The following BTBD1 variants were observed in gnomAD, a reference collection of about 807,000 sequenced individuals.
The protein encoded by BTBD1 is BTB domain containing 1.
A neutral mutation model predicts 48.0 loss-of-function variants in BTBD1; 34 were observed. That is an observed-to-expected ratio of 0.71 (90% CI 0.54 to 0.94). The LOEUF (loss-of-function observed/expected upper bound fraction) is 0.94, where lower values mean the gene tolerates loss of function less well. BTBD1 is among the 40% of genes least tolerant of loss of function. The pLI is 0.00. For missense variants in BTBD1, 543 were observed against 625.6 expected (o/e 0.87, Z 1.41); for synonymous variants, 261 against 242.1 (o/e 1.08, Z -0.72).
At chr15:83,062,744 A>C (rs1312179191) in intron 1 of BTBD1, among the ~76,000 whole-genome samples, 1 of 152,168 alleles carries the variant, frequency 6.6e-6, no homozygotes, top group East Asian at 1.9e-4. Context: ...TGGGGGAATG[A>C]GTGCGTAAAG....
rs1295281562 is a variant in BTBD1 at position 83,017,606 on chromosome 15, T to C, written c.*461A>G. 1 of 152,662 alleles carries C rather than the reference T, an allele frequency of 6.6e-6. No individual in the cohort carries two copies. Among genetic ancestry groups the C allele is most frequent in the East Asian group, 1.9e-4 (1 of 5,204 alleles). 9.5% of individuals were successfully genotyped at this position (152,662 alleles called of 1,614,324 possible). On this transcript the variant is annotated 3_prime_UTR_variant, in exon 8 of 8. Coordinates refer to ENST00000261721, the MANE Select transcript of BTBD1 (RefSeq NM_025238.4). The stretch of plus-strand genomic sequence containing the variant: ...TTCTTAATTTTCTGAAATTTAGTTA[T>C]TTGAGTTAATAAGAATTCTGTAGGA...
At chr15:83,023,445 T>C (rs1596422295) in intron 5 of BTBD1, among the ~76,000 whole-genome samples, 1 of 152,218 alleles carries the variant, frequency 6.6e-6, no homozygotes, top group African/African-American at 2.4e-5. Context: ...AGTGGTGCAA[T>C]CATGGCTCAC....
In BTBD1 at chr15:83,059,716, A is replaced by G. The variant is rs922120796; in HGVS notation, c.402-3171T>C. Among the ~76,000 whole-genome samples, 6 of 152,190 alleles carry G rather than the reference A, an allele frequency of 3.9e-5. No homozygotes were observed. In the South Asian group the frequency reaches 1.2e-3, roughly 32 times the overall value. On this transcript the variant is annotated intron_variant, in intron 1 of 7. Coordinates refer to ENST00000261721, the MANE Select transcript of BTBD1 (RefSeq NM_025238.4). ...TCCTGCTTCAGCCTCCAGAGTAACT[A>G]ACACTACAGGCACATGCCACTAGGC...
At chr15:83,066,529 A>C (rs2033274472) in intron 1 of BTBD1, among the ~76,000 whole-genome samples, 1 of 152,148 alleles carries the variant, frequency 6.6e-6, no homozygotes, top group Non-Finnish European at 1.5e-5. Flanking sequence ...TTGCCTAATG[A>C]AGACACTAAC....
chr15:83,044,328 C>T (rs960903915), intron 3 of BTBD1: 191 of 1,193,462 alleles, frequency 1.6e-4, no homozygotes, highest in East Asian at 4.6e-4. Flanking sequence ...CCCACGCCGA[C>T]GGCAACCCTG....
intron 3 of BTBD1, among the ~76,000 whole-genome samples, chr15:83,046,777 C>A (rs1229899875): frequency 1.3e-5 from 2 of 152,196 alleles, no homozygotes; most frequent in East Asian, 3.8e-4. Flanking sequence ...GGGGAGGAAT[C>A]TGATTTACTC....
intron 6 of BTBD1, 88 bp downstream of exon 6, chr15:83,020,587 T>C (rs765190873): frequency 3.1e-5 from 27 of 876,842 alleles, no homozygotes; most frequent in Middle Eastern, 2.2e-4. Context: ...GACAATTATA[T>C]TGAAATTTGG....
chr15:83,029,922 T>G, intron 5 of BTBD1: 1 of 584,562 alleles, frequency 1.7e-6, no homozygotes, highest in Non-Finnish European at 3.0e-6. Context: ...TTTCTTACTC[T>G]ATTTTTTTCT....
rs1454782249 is a variant in BTBD1 at position 83,067,238 on chromosome 15, C to CCTTCCGGGAAAGGCG, written c.-88_-87insCGCCTTTCCCGGAAG. 5 of 1,273,600 alleles carry CCTTCCGGGAAAGGCG rather than the reference C, an allele frequency of 3.9e-6. No individual in the cohort carries two copies. The highest frequency in any genetic ancestry group is 5.0e-6 in the Non-Finnish European group (5 of 998,546). 78.9% of individuals were successfully genotyped at this position (1,273,600 alleles called of 1,614,324 possible). A position where few individuals can be genotyped will look rare whatever the true frequency, so the allele number is the denominator to read the frequency against. On this transcript the variant is annotated 5_prime_UTR_variant, in exon 1 of 8. Transcript: ENST00000261721. Reference sequence around the variant, plus strand: ...TCCGGAGGCCGGCGCTGCCTCCCTGCCTTCCGGGAAAGGCGCTTCCGGGGG... The same window carrying CCTTCCGGGAAAGGCG: ...TCCGGAGGCCGGCGCTGCCTCCCTGCCTTCCGGGAAAGGCGCTTCCGGGAAAGGCGCTTCCGGGGG...
chr15:83,017,780 CTAAGTCA>C lies in BTBD1; in HGVS notation c.*280_*286del, dbSNP rs2032198652. The C allele has an allele frequency of 1.1e-5, 2 of 184,328 alleles. No homozygotes were observed. The highest frequency in any genetic ancestry group is 2.2e-5 in the Non-Finnish European group (2 of 89,766). 11.4% of individuals were successfully genotyped at this position (184,328 alleles called of 1,614,324 possible). On this transcript the variant is annotated 3_prime_UTR_variant, in exon 8 of 8. Transcript: ENST00000261721. Reference sequence around the variant, plus strand: ...TCAATTCCCAAACTATTGAAAGACCCTAAGTCAGCCAATCTATGAAATTATACAAGAT... The same window carrying C: ...TCAATTCCCAAACTATTGAAAGACCCGCCAATCTATGAAATTATACAAGAT...
At chr15:83,054,630 A>T (rs1239875267) in intron 2 of BTBD1, among the ~76,000 whole-genome samples, 2 of 142,160 alleles carry the variant, frequency 1.4e-5, no homozygotes, top group African/African-American at 5.3e-5. Flanking sequence ...GGTGTGATCT[A>T]TGCTCACTGC....
At chr15:83,042,052 C>T (rs987018520) in intron 3 of BTBD1, 127 bp from the exon 4 acceptor site, 3 of 704,062 alleles carry the variant, frequency 4.3e-6, no homozygotes, top group African/African-American at 1.8e-5. Context: ...CTTAAAACTA[C>T]AGACTTTATA....
intron 5 of BTBD1, among the ~76,000 whole-genome samples, chr15:83,023,638 C>A (rs1164789025): frequency 6.6e-6 from 1 of 152,066 alleles, no homozygotes; most frequent in African/African-American, 2.4e-5. Flanking sequence ...GATCCTCCTG[C>A]CTTGGCCTCC....
chr15:83,047,973 G>A (rs891324469), intron 3 of BTBD1, among the ~76,000 whole-genome samples: 2 of 152,170 alleles, frequency 1.3e-5, no homozygotes, highest in African/African-American at 4.8e-5. Flanking sequence ...CTGCCATGTA[G>A]AGAATGGAGT....
Position 83,017,106 on chromosome 15 carries a change from C to A in BTBD1, c.*961G>T, listed in dbSNP as rs577694568. On this transcript the variant is annotated 3_prime_UTR_variant, in exon 8 of 8. Transcript: ENST00000261721. ...ATGACCATGAAGCAAATTTTACTTC[C>A]TAAATAGAAATGTGTAGGTGGCAGA... is the stretch of plus-strand genomic sequence containing the variant. 6.6e-6 allele frequency: 1 copy of A among 152,664 alleles called. No homozygotes were observed. The highest frequency in any genetic ancestry group is 2.1e-4 in the South Asian group (1 of 4,828). The allele number at this position is 152,664 out of a possible 1,614,324, so 9.5% of individuals were successfully genotyped here.
intron 1 of BTBD1, chr15:83,061,673 C>G (rs780449729): frequency 1.3e-5 from 2 of 152,362 alleles, no homozygotes; most frequent in African/African-American, 2.4e-5. Flanking sequence ...GCTGAAGAAG[C>G]CTCTTGAAGA....
At chr15:83,057,285 C>T (rs1824566987) in intron 1 of BTBD1, among the ~76,000 whole-genome samples, 1 of 152,092 alleles carries the variant, frequency 6.6e-6, no homozygotes, top group South Asian at 2.1e-4. Flanking sequence ...AAATAGACTG[C>T]TTGGGTTTGA....
intron 4 of BTBD1, chr15:83,030,696 A>G (rs920732244): frequency 2.4e-5 from 4 of 164,454 alleles, no homozygotes; most frequent in African/African-American, 9.6e-5. Context: ...TCTTCAAGAC[A>G]TTGGCTTAGG....
At chr15:83,053,857 A>T (rs780407331) in intron 2 of BTBD1, among the ~76,000 whole-genome samples, 2 of 152,226 alleles carry the variant, frequency 1.3e-5, no homozygotes, top group Non-Finnish European at 2.9e-5. Context: ...TAAATGAATT[A>T]ATGTACACAA....
Sources: allele counts gnomAD v4.1 joint callset (sites outside exome capture counted in the v4.1 genomes callset), GRCh38; gene constraint gnomAD v4.1.1; transcripts MANE v1.5; gene names NCBI Gene and HGNC (gene_info 2026-07-23, HGNC 2026-07-21).